The following RGS6 variants were observed in gnomAD, a reference collection of about 807,000 sequenced individuals.
The protein encoded by RGS6 is regulator of G protein signaling 6.
RGS6 carries 30 observed loss-of-function variants against 78.5 expected under a neutral mutation model. The observed-to-expected ratio is 0.38, with a 90% confidence interval of 0.29 to 0.52. The LOEUF (loss-of-function observed/expected upper bound fraction) is 0.52, where lower values mean the gene tolerates loss of function less well. RGS6 is among the 20% of genes least tolerant of loss of function. The pLI, the probability that RGS6 is intolerant of heterozygous loss-of-function variation, is 0.85. For synonymous variants in RGS6, 206 were observed against 206.0 expected, an observed-to-expected ratio of 1.00 and a Z score of 0.00; for missense variants, 495 against 609.7, an observed-to-expected ratio of 0.81 and a Z score of 1.98.
At chr14:72,500,689 G>T (rs2096712543) in intron 13 of RGS6, among the ~76,000 whole-genome samples, 1 of 152,212 alleles carries the variant, frequency 6.6e-6, no homozygotes, top group Non-Finnish European at 1.5e-5. Context: ...AGAAGGGTTG[G>T]CAGAGACTGA....
intron 2 of RGS6, among the ~76,000 whole-genome samples, chr14:72,263,495 ATTG>A (rs2058527822): frequency 7.3e-6 from 1 of 136,854 alleles, no homozygotes; most frequent in Non-Finnish European, 1.6e-5. Flanking sequence ...ATGCATACCT[ATTG>A]TTGTGGTCTA....
intron 2 of RGS6, among the ~76,000 whole-genome samples, chr14:72,128,313 C>G (rs1022579509): frequency 1.3e-5 from 2 of 152,120 alleles, no homozygotes; most frequent in Non-Finnish European, 1.5e-5. Flanking sequence ...ATCAAAGTAG[C>G]TTGATTTCAT....
In RGS6 at chr14:71,932,762, A is replaced by C. The variant is rs1329407229; in HGVS notation, c.-200A>C. ...CTCGCCACCACGGAAACTCGGAAAG[A>C]GGAGGCGAGGCTGTGGGGAGCGGCG... is the stretch of plus-strand genomic sequence containing the variant. On this transcript the variant is annotated 5_prime_UTR_variant, in exon 1 of 18. Coordinates refer to ENST00000553525, the MANE Select transcript of RGS6 (RefSeq NM_001204424.2). 1 of 152,238 alleles carries C rather than the reference A, an allele frequency of 6.6e-6. No individual in the cohort carries two copies. Among genetic ancestry groups the C allele is most frequent in the Non-Finnish European group, 1.5e-5 (1 of 68,050 alleles). The allele number at this position is 152,238 out of a possible 1,614,324, so 9.4% of individuals were successfully genotyped here.
chr14:72,583,233 C>A, the RGS6 span, among the ~76,000 whole-genome samples: 1 of 152,230 alleles, frequency 6.6e-6, no homozygotes, highest in African/African-American at 2.4e-5. Context: ...GCTACTAGGT[C>A]CCCTTGTTCT....
chr14:72,115,196 A>T (rs568668693), intron 2 of RGS6, among the ~76,000 whole-genome samples: 2 of 152,308 alleles, frequency 1.3e-5, no homozygotes, highest in East Asian at 1.9e-4. Flanking sequence ...TCAGGGTTTG[A>T]TTAGAGAAGC....
At chr14:72,188,803 C>T (rs979538405) in intron 2 of RGS6, among the ~76,000 whole-genome samples, 10 of 152,140 alleles carry the variant, frequency 6.6e-5, no homozygotes, top group Non-Finnish European at 2.9e-5. Flanking sequence ...CTTCATTGCT[C>T]ACGACACCAA....
intron 2 of RGS6, among the ~76,000 whole-genome samples, chr14:72,330,727 C>T (rs1438854936): frequency 6.6e-6 from 1 of 152,136 alleles, no homozygotes; most frequent in Non-Finnish European, 1.5e-5. Flanking sequence ...AATTCCAAAC[C>T]CTCTCACAGC....
chr14:72,056,489 T>C (rs1405563677), intron 2 of RGS6, among the ~76,000 whole-genome samples: 1 of 152,228 alleles, frequency 6.6e-6, no homozygotes, highest in Non-Finnish European at 1.5e-5. Flanking sequence ...GTGAGAGAAT[T>C]TCTTATTAAA....
rs1232081769 is a variant in RGS6 at position 72,130,223 on chromosome 14, C to T, written c.84+165348C>T. 5.3e-5 allele frequency among the ~76,000 whole-genome samples: 8 copies of T among 152,292 alleles called. No individual in the cohort carries two copies. The East Asian group carries it at 1.4e-3, about 26-fold the overall frequency. On this transcript the variant is annotated intron_variant, in intron 2 of 17. Coordinates refer to ENST00000553525, the MANE Select transcript of RGS6 (RefSeq NM_001204424.2). Reference sequence around the variant, plus strand: ...GTGAGGGCCAGAAGGGTCTTGAGTGCAGGAACTTCTGTCCCCATGAATGGG... The same window carrying T: ...GTGAGGGCCAGAAGGGTCTTGAGTGTAGGAACTTCTGTCCCCATGAATGGG...
At chr14:72,516,110 T>A (rs1042627602) in intron 14 of RGS6, among the ~76,000 whole-genome samples, 1 of 152,236 alleles carries the variant, frequency 6.6e-6, no homozygotes, top group Admixed American at 6.5e-5. Context: ...TTTGACCCCT[T>A]CTGGGCCTTG....
chr14:71,980,819 A>G (rs1164873917), intron 2 of RGS6, among the ~76,000 whole-genome samples: 1 of 95,684 alleles, frequency 1.0e-5, no homozygotes, highest in Admixed American at 1.1e-4. Flanking sequence ...GCCTTGCTAG[A>G]TTGGGGAAGT....
At chr14:72,520,150 G>T (rs2097014846) in intron 15 of RGS6, among the ~76,000 whole-genome samples, 1 of 150,928 alleles carries the variant, frequency 6.6e-6, no homozygotes, top group African/African-American at 2.5e-5. Context: ...ACTTAGATAT[G>T]TATCTCTAAA....
chr14:72,383,511 T>C (rs534382850), intron 3 of RGS6, among the ~76,000 whole-genome samples: 1 of 152,248 alleles, frequency 6.6e-6, no homozygotes, highest in South Asian at 2.1e-4. Flanking sequence ...TGCAACGTGA[T>C]CCATTCGGCT....
the RGS6 span, among the ~76,000 whole-genome samples, chr14:72,601,005 G>A: frequency 7.0e-6 from 1 of 143,752 alleles, no homozygotes. Context: ...GGAGGAGGGG[G>A]GAGAGGAGGA....
chr14:72,217,556 A>T (rs559727656), intron 2 of RGS6, among the ~76,000 whole-genome samples: 25 of 150,022 alleles, frequency 1.7e-4, no homozygotes, highest in African/African-American at 5.6e-4. Flanking sequence ...TTTCTAATTT[A>T]AAAAAAAGTA....
chr14:72,123,502 TGGG>T (rs992726943), intron 2 of RGS6, among the ~76,000 whole-genome samples: 5 of 152,132 alleles, frequency 3.3e-5, no homozygotes, highest in South Asian at 2.1e-4. Flanking sequence ...CATATTTTAA[TGGG>T]GGGACCAAAC....
chr14:72,165,494 C>G (rs554271465), intron 2 of RGS6, among the ~76,000 whole-genome samples: 1 of 152,224 alleles, frequency 6.6e-6, no homozygotes, highest in Non-Finnish European at 1.5e-5. Flanking sequence ...TCCTAGCTCA[C>G]AATTCAAAAG....
intron 2 of RGS6, among the ~76,000 whole-genome samples, chr14:72,308,365 CTGTGA>C (rs929511929): frequency 4.6e-5 from 7 of 152,330 alleles, no homozygotes; most frequent in African/African-American, 1.7e-4. Flanking sequence ...CCAAAGCCCC[CTGTGA>C]TCATCTCAAA....
intron 12 of RGS6, among the ~76,000 whole-genome samples, chr14:72,489,383 C>T (rs1303592977): frequency 6.6e-6 from 1 of 152,198 alleles, no homozygotes; most frequent in Admixed American, 6.5e-5. Flanking sequence ...TCTGTATCCC[C>T]ACATCCAGCT....
Sources: allele counts gnomAD v4.1 joint callset (sites outside exome capture counted in the v4.1 genomes callset), GRCh38; gene constraint gnomAD v4.1.1; transcripts MANE v1.5; gene names NCBI Gene and HGNC (gene_info 2026-07-23, HGNC 2026-07-21).